The following ASCC3 variants were observed in gnomAD, a reference collection of about 807,000 sequenced individuals.
The protein encoded by ASCC3 is ASC-1 complex subunit P200.
ASCC3 carries 158 observed loss-of-function variants against 256.3 expected under a neutral mutation model. That is an observed-to-expected ratio of 0.62 (90% CI 0.54 to 0.70). The LOEUF is 0.70. ASCC3 is among the 30% of genes least tolerant of loss of function. ASCC3 has a pLI of 0.00. For missense variants in ASCC3, 2,259 were observed against 2,626.0 expected, an observed-to-expected ratio of 0.86 and a Z score of 3.05; for synonymous variants, 948 against 883.4, an observed-to-expected ratio of 1.07 and a Z score of -1.30.
In ASCC3 at chr6:100,652,747, T is replaced by A. The variant is rs1775730491; in HGVS notation, c.2966A>T (p.Tyr989Phe). Reference sequence around the variant, plus strand: ...TACCTCAATGGTGTTGTATTTAATATAGTAATGGCTGGCAGTTCTACCCAA... The same window carrying A: ...TACCTCAATGGTGTTGTATTTAATAAAGTAATGGCTGGCAGTTCTACCCAA... ...TDLGRTASHY[Y>F]IKYNTIETFN... The change falls in exon 18 of 42, where the codon TAT becomes TTT. Residue 989 changes from tyrosine (Y) to phenylalanine (F), a missense_variant. Coordinates refer to ENST00000369162, the MANE Select transcript of ASCC3 (RefSeq NM_006828.4). 5.0e-6 allele frequency: 8 copies of A among 1,613,840 alleles called. No individual in the cohort carries two copies. Among genetic ancestry groups the A allele is most frequent in the Non-Finnish European group, 6.8e-6 (8 of 1,179,882 alleles).
intron 16 of ASCC3, among the ~76,000 whole-genome samples, chr6:100,658,269 G>A (rs1776015764): frequency 6.6e-6 from 1 of 151,410 alleles, no homozygotes; most frequent in African/African-American, 2.4e-5. Flanking sequence ...TTAAATAAAA[G>A]AGAAAAATAA....
At chr6:100,661,358 C>T (rs1562207036) in intron 16 of ASCC3, among the ~76,000 whole-genome samples, 1 of 143,060 alleles carries the variant, frequency 7.0e-6, no homozygotes, top group Non-Finnish European at 1.6e-5. Context: ...CACACACACA[C>T]AAAACAAATG....
In ASCC3 at chr6:100,638,758, T is replaced by G. The variant is rs778301373; in HGVS notation, c.3965A>C (p.Tyr1322Ser). 3 of 1,614,150 alleles carry G rather than the reference T, an allele frequency of 1.9e-6. No homozygotes were observed. Among genetic ancestry groups the G allele is most frequent in the Non-Finnish European group, 2.5e-6 (3 of 1,180,006 alleles). Residue 1322 changes from tyrosine to serine, a missense_variant, in exon 25 of 42, where the codon TAC (tyrosine) becomes TCC (serine). This residue lies in a region of ASCC3 where 1,839 missense variants were observed against 2,206.7 expected (regional missense o/e 0.83). Coordinates refer to ENST00000369162, the MANE Select transcript of ASCC3 (RefSeq NM_006828.4). ...ALGCKAYEAL[Y>S]NFSHFNPVQT... The stretch of plus-strand genomic sequence containing the variant: ...TACAGGGTTAAAGTGGCTGAAGTTG[T>G]ACAGGGCTTCATATGCTTTACATCC...
intron 25 of ASCC3, among the ~76,000 whole-genome samples, chr6:100,631,809 T>C (rs1050338460): frequency 6.6e-6 from 1 of 151,990 alleles, no homozygotes; most frequent in Admixed American, 6.6e-5. Flanking sequence ...CCCTTTATGT[T>C]TCTAATTTAG....
At chr6:100,610,198 C>T (rs1394018967) in intron 30 of ASCC3, among the ~76,000 whole-genome samples, 1 of 152,144 alleles carries the variant, frequency 6.6e-6, no homozygotes, top group Non-Finnish European at 1.5e-5. Context: ...AAAAAAGTGA[C>T]AATTTCTTCA....
intron 37 of ASCC3, among the ~76,000 whole-genome samples, chr6:100,521,104 A>G (rs1321184093): frequency 6.6e-6 from 1 of 152,186 alleles, no homozygotes; most frequent in Non-Finnish European, 1.5e-5. Flanking sequence ...TGCCTAAGTT[A>G]TTGCACATCT....
chr6:100,721,847 C>A (rs1178037948), intron 11 of ASCC3, among the ~76,000 whole-genome samples: 3 of 151,128 alleles, frequency 2.0e-5, no homozygotes, highest in Admixed American at 2.0e-4. Context: ...TTAGGTCCTA[C>A]CTGTCAATTT....
intron 10 of ASCC3, among the ~76,000 whole-genome samples, chr6:100,739,173 G>T (rs1202752635): frequency 1.3e-5 from 2 of 152,172 alleles, no homozygotes; most frequent in African/African-American, 4.8e-5. Flanking sequence ...TTTTATCAAA[G>T]GCTTTTCTGC....
rs982554483 is a variant in ASCC3 at position 100,661,693 on chromosome 6, G to T, written c.2703+113C>A. On this transcript the variant is annotated intron_variant, in intron 16 of 41. Coordinates refer to ENST00000369162, the MANE Select transcript of ASCC3 (RefSeq NM_006828.4). Reference sequence around the variant, plus strand: ...CCTGTTTTGTCTTATAACTTATATGGCATAGGCTGTAATCCTAAACACTAC... The same window carrying T: ...CCTGTTTTGTCTTATAACTTATATGTCATAGGCTGTAATCCTAAACACTAC... 1.7e-4 allele frequency: 169 copies of T among 1,017,110 alleles called. 1 individual carries two copies. Among genetic ancestry groups the T allele is most frequent in the Non-Finnish European group, 3.4e-5 (22 of 654,314 alleles). 63.0% of individuals were successfully genotyped at this position (1,017,110 alleles called of 1,614,324 possible). A position where few individuals can be genotyped will look rare whatever the true frequency, so the allele number is the denominator to read the frequency against.
intron 3 of ASCC3, chr6:100,858,715 T>C: frequency 3.0e-6 from 3 of 1,014,488 alleles, no homozygotes; most frequent in South Asian, 7.5e-5. Flanking sequence ...CTTCATGAGA[T>C]ACCACTATAT....
At chr6:100,873,856 A>T (rs1009192408) in intron 1 of ASCC3, among the ~76,000 whole-genome samples, 1 of 152,208 alleles carries the variant, frequency 6.6e-6, no homozygotes, top group Non-Finnish European at 1.5e-5. Context: ...AGCCAGCACT[A>T]CAAAAACTGC....
At chr6:100,588,777 C>T (rs1055637539) in intron 36 of ASCC3, among the ~76,000 whole-genome samples, 2 of 151,872 alleles carry the variant, frequency 1.3e-5, no homozygotes, top group Non-Finnish European at 2.9e-5. Flanking sequence ...GATATTGAAG[C>T]TTATTGAGAA....
intron 3 of ASCC3, chr6:100,856,156 C>T (rs1772930179): frequency 6.5e-6 from 1 of 154,676 alleles, no homozygotes; most frequent in African/African-American, 2.4e-5. Flanking sequence ...TATCAAGCTG[C>T]TGACCTACAT....
intron 10 of ASCC3, 29 bp downstream of exon 10, chr6:100,766,536 T>G: frequency 1.9e-6 from 3 of 1,610,768 alleles, no homozygotes; most frequent in Non-Finnish European, 2.5e-6. Flanking sequence ...AGAATGGTAT[T>G]AAACAAAAAA....
intron 24 of ASCC3, among the ~76,000 whole-genome samples, chr6:100,640,256 A>G (rs779527423): frequency 2.0e-5 from 3 of 152,248 alleles, no homozygotes; most frequent in Admixed American, 1.3e-4. Context: ...TGCATATTGC[A>G]TATTTACTGA....
In ASCC3 at chr6:100,740,964, G is replaced by C. The variant is rs75613041; in HGVS notation, c.1738-15261C>G. Among the ~76,000 whole-genome samples, 1,965 of 152,008 alleles carry C rather than the reference G, an allele frequency of 0.013. 99 individuals are homozygous for C. The East Asian group carries it at 0.15, about 12-fold the overall frequency. On this transcript the variant is annotated intron_variant, in intron 10 of 41. Transcript: ENST00000369162. ...CATGATATTGGCTAGTTATATGGTT[G>C]CTTCACAGTGTCACTGCTCTGTTTA...
At chr6:100,860,844 G>A (rs1315206952) in intron 3 of ASCC3, among the ~76,000 whole-genome samples, 1 of 152,054 alleles carries the variant, frequency 6.6e-6, no homozygotes, top group Non-Finnish European at 1.5e-5. Context: ...TGGCATAAAG[G>A]TTGCATGTGA....
chr6:100,565,598 A>AT (rs151105984), intron 36 of ASCC3, among the ~76,000 whole-genome samples: 2 of 152,092 alleles, frequency 1.3e-5, no homozygotes, highest in Non-Finnish European at 2.9e-5. Flanking sequence ...GTGAAGGTTC[A>AT]TTTTTTTACA....
At chr6:100,745,486 CA>C (rs535061968) in intron 10 of ASCC3, among the ~76,000 whole-genome samples, 29 of 82,156 alleles carry the variant, frequency 3.5e-4, no homozygotes, top group African/African-American at 7.2e-4. Context: ...GACTTGGTCT[CA>C]AAAAAAAAAA....
Sources: gnomAD v4.1 joint callset for allele counts (sites outside exome capture counted in the v4.1 genomes callset) on GRCh38, gnomAD v4.1.1 for gene constraint, gnomAD v4.1.1 regional missense constraint, MANE v1.5 for transcripts, NCBI Gene and HGNC (gene_info 2026-07-23, HGNC 2026-07-21) for gene names.